The following MDC1 variants were observed in gnomAD, a reference collection of about 807,000 sequenced individuals.
MDC1 encodes the protein mediator of DNA damage checkpoint 1.
Under a neutral mutation model 142.5 loss-of-function variants are expected in MDC1, and 81 were observed. That is an observed-to-expected ratio of 0.57 (90% CI 0.47 to 0.68). The LOEUF is 0.68. Among genes scored for constraint, MDC1 ranks in the 30% least tolerant of loss-of-function variants. The pLI is 0.00. For missense variants in MDC1, 2,119 were observed against 2,547.9 expected (o/e 0.83, Z 3.62); for synonymous variants, 797 against 968.4 (o/e 0.82, Z 3.29).
Position 30,705,894 on chromosome 6 carries a change from C to T in MDC1, c.3289G>A (p.Glu1097Lys), listed in dbSNP as rs756847561. ...QEAPEAPLSS[E>K]LEPFHPKPKI... is the part of the protein sequence containing the mutation. ...GGCTTTGGGTGGAAAGGCTCCAGCTCTGAGGACAAGGGAGCCTCTGGAGCT... is the reference window on the plus strand; with the variant it reads ...GGCTTTGGGTGGAAAGGCTCCAGCTTTGAGGACAAGGGAGCCTCTGGAGCT... Residue 1097 changes from glutamate (E) to lysine (K), a missense_variant, in exon 10 of 15, where the codon GAG becomes AAG. Glu to Lys is a moderately conservative substitution (Grantham distance 56). Coordinates refer to ENST00000376406, the MANE Select transcript of MDC1 (RefSeq NM_014641.3). 5 of 1,612,650 alleles carry T rather than the reference C, an allele frequency of 3.1e-6. No homozygotes were observed. In the Admixed American group the frequency reaches 5.0e-5, roughly 16 times the overall value.
At chr6:30,706,501 A>T (rs1325453896) in intron 9 of MDC1, among the ~76,000 whole-genome samples, 1 of 151,672 alleles carries the variant, frequency 6.6e-6, no homozygotes, top group Non-Finnish European at 1.5e-5. Context: ...GGGCGCCTGT[A>T]GTCCCAGCTA....
At chr6:30,710,285 C>T (rs1440765252) in intron 7 of MDC1, among the ~76,000 whole-genome samples, 4 of 152,238 alleles carry the variant, frequency 2.6e-5, no homozygotes, top group Non-Finnish European at 5.9e-5. Context: ...GACAGGGTTT[C>T]ACCATGTTGG....
intron 9 of MDC1, among the ~76,000 whole-genome samples, chr6:30,706,578 T>C (rs7756147): frequency 0.13 from 16,574 of 128,462 alleles, 1,453 homozygotes; most frequent in African/African-American, 0.27. Flanking sequence ...GCCGAGATGG[T>C]GCCACTGCAC....
At chr6:30,702,689 G>A in intron 13 of MDC1, 26 bp from the exon 14 acceptor site, 1 of 1,612,112 alleles carries the variant, frequency 6.2e-7, no homozygotes, top group South Asian at 1.1e-5. Flanking sequence ...GATGGAGATG[G>A]TATTGTAGAT....
rs775063662 is a variant in MDC1 at position 30,707,695 on chromosome 6, C to T, written c.2884G>A (p.Ala962Thr). ...EGGSQDQKGQ[A>T]SSPTPEPGVG... ...CCAGGCTCTGGTGTTGGGCTGGAGG[C>T]CTGCCCTTTCTGGTCCTGGCTCCCT... Residue 962 changes from alanine (A) to threonine (T), a missense_variant, in exon 8 of 15, where the codon GCC (alanine) becomes ACC (threonine). Ala to Thr is a moderately conservative substitution (Grantham distance 58). Coordinates refer to ENST00000376406, the MANE Select transcript of MDC1 (RefSeq NM_014641.3). 6.2e-7 allele frequency: 1 copy of T among 1,613,094 alleles called. No individual in the cohort carries two copies. Among genetic ancestry groups the T allele is most frequent in the South Asian group, 1.1e-5 (1 of 91,082 alleles).
chr6:30,705,107 G>A lies in MDC1; in HGVS notation c.4076C>T (p.Ser1359Phe). 1 of 1,613,378 alleles carries A rather than the reference G, an allele frequency of 6.2e-7. No homozygotes were observed. The highest frequency in any genetic ancestry group is 8.5e-7 in the Non-Finnish European group (1 of 1,179,878). Reference sequence around the variant, plus strand: ...GACAGTTGATTCAGGGTTCTTCACAGAGGACATATTTGTCCTGCTCCTAGT... The same window carrying A: ...GACAGTTGATTCAGGGTTCTTCACAAAGGACATATTTGTCCTGCTCCTAGT... ...RTTRSRTNMS[S>F]VKNPESTVPI... Residue 1359 changes from serine to phenylalanine, a missense_variant, in exon 10 of 15, where the codon TCT becomes TTT. Coordinates refer to ENST00000376406, the MANE Select transcript of MDC1 (RefSeq NM_014641.3).
rs1287203735 is a variant in MDC1 at position 30,703,199 on chromosome 6, A to T, written c.5770T>A (p.Ser1924Thr). Residue 1924 changes from serine (S) to threonine (T), a missense_variant, in exon 12 of 15, where the codon TCC (serine) becomes ACC (threonine). Transcript: ENST00000376406. This position sits in a 1 kb window ranked among gnomAD's most constrained non-coding sequence, Gnocchi z 4.4. ...CGGATGCGATCAGTGACCAGGTGGG[A>T]AGCCTCTGCCGCTGAACCAGCCAGA... The part of the protein sequence containing the change: ...GSLAGSAAEA[S>T]HLVTDRIRRT... 1.2e-6 allele frequency: 2 copies of T among 1,613,024 alleles called. No individual in the cohort carries two copies. Among genetic ancestry groups the T allele is most frequent in the Non-Finnish European group, 1.7e-6 (2 of 1,180,008 alleles).
At chr6:30,707,306 A>G (rs2127689197) in intron 9 of MDC1, 78 bp downstream of exon 9, 1 of 1,409,176 alleles carries the variant, frequency 7.1e-7, no homozygotes, top group Non-Finnish European at 1.0e-6. Context: ...AATAGATTAA[A>G]GTGAGGCTAG....
At position 30,704,540 on chromosome 6, in the gene MDC1, G is replaced by T; in HGVS notation, c.4643C>A (p.Thr1548Asn). Residue 1548 changes from threonine (T) to asparagine (N), a missense_variant, in exon 10 of 15, where the codon ACC (threonine) becomes AAC (asparagine). Transcript: ENST00000376406. ...QPSTSTDQPV[T>N]PEPTSRATRG... is the part of the protein sequence containing the mutation. ...AGTGGCCCGAGATGTGGGCTCAGGGGTGACAGGTTGGTCTGTGGAGGTGGA... is the reference window on the plus strand; with the variant it reads ...AGTGGCCCGAGATGTGGGCTCAGGGTTGACAGGTTGGTCTGTGGAGGTGGA... 1 of 1,609,452 alleles carries T rather than the reference G, an allele frequency of 6.2e-7. No homozygotes were observed. The highest frequency in any genetic ancestry group is 8.5e-7 in the Non-Finnish European group (1 of 1,177,618).
In MDC1 at chr6:30,705,184, C is replaced by T. The variant is rs371569455; in HGVS notation, c.3999G>A (p.Gln1333=). The T allele has an allele frequency of 1.9e-6, 3 of 1,591,802 alleles. No homozygotes were observed. Among genetic ancestry groups the T allele is most frequent in the Non-Finnish European group, 2.6e-6 (3 of 1,170,556 alleles). Residue 1333 remains glutamine, a synonymous_variant, in exon 10 of 15, where the codon CAG becomes CAA. Transcript: ENST00000376406. ...ETVVPTAPEL[Q]ISTSTDQPVT... ...CAGGTTGGTCTGTGGAGGTGGAAAT[C>T]TGGAGCTCAGGGGCTGTGGGGACAA...
At position 30,703,584 on chromosome 6, in the gene MDC1, AT is replaced by A; in HGVS notation, c.5562+36del. 1 of 1,612,158 alleles carries A rather than the reference AT, an allele frequency of 6.2e-7. No individual in the cohort carries two copies. ...GTGGGAGTTTCAGAGCCCTGAAGTC[AT>A]TTTTCCCAGCTTTGTGGTCCCAACC... On this transcript the variant is annotated intron_variant, in intron 10 of 14. Coordinates refer to ENST00000376406, the MANE Select transcript of MDC1 (RefSeq NM_014641.3). The surrounding 1 kb of genome is among the most constrained non-coding windows in gnomAD (Gnocchi z 4.4).
At position 30,703,312 on chromosome 6, in the gene MDC1, T is replaced by C. The variant is rs201447492; in HGVS notation, c.5683-26A>G. On this transcript the variant is annotated intron_variant, in intron 11 of 14. Coordinates refer to ENST00000376406, the MANE Select transcript of MDC1 (RefSeq NM_014641.3). This position sits in a 1 kb window ranked among gnomAD's most constrained non-coding sequence, Gnocchi z 4.4. ...CTGTGGAAGGGTTGACCTGAGGTGG[T>C]TACGGCAACCCATGCCATCAGCACC... 324 of 1,608,740 alleles carry C rather than the reference T, an allele frequency of 2.0e-4. No homozygotes were observed. Among genetic ancestry groups the C allele is most frequent in the Non-Finnish European group, 2.5e-4 (290 of 1,176,594 alleles).
At chr6:30,714,230 T>C (rs148649911) in intron 2 of MDC1, 47 bp from the exon 3 acceptor site, 24,648 of 1,547,550 alleles carry the variant, frequency 0.016, 346 homozygotes, top group South Asian at 0.053. Context: ...AGTCCTGGCC[T>C]GTCATTAGGA....
rs1281168115 is a variant in MDC1, at chr6:30,703,428, G to A, written c.5672C>T (p.Thr1891Ile). ...GCCTTTGTCTCTTACTTTGGGGGCTGTTGATTCTTGGTTAAGTTTGGTCCG... is the reference window on the plus strand; with the variant it reads ...GCCTTTGTCTCTTACTTTGGGGGCTATTGATTCTTGGTTAAGTTTGGTCCG... ...LRRTKLNQES[T>I]APKVLFTGVV... The change falls in exon 11 of 15, where the codon ACA (threonine) becomes ATA (isoleucine). Residue 1891 changes from threonine to isoleucine, a missense_variant. Physicochemically the swap from Thr to Ile is moderately conservative, Grantham distance 89. Transcript: ENST00000376406. The surrounding 1 kb of genome is among the most constrained non-coding windows in gnomAD (Gnocchi z 4.4). The A allele has an allele frequency of 6.2e-7, 1 of 1,613,944 alleles. No homozygotes were observed. The highest frequency in any genetic ancestry group is 8.5e-7 in the Non-Finnish European group (1 of 1,180,038).
rs747964981 is a variant in MDC1, at chr6:30,708,672, G to T, written c.2222-315C>A. ...AGTTTGAGACTAGCCTGGACAACAT[G>T]GCAAAACCCCATCTCTACAAAAAAT... On this transcript the variant is annotated intron_variant, in intron 7 of 14. Transcript: ENST00000376406. 1.6e-3 allele frequency among the ~76,000 whole-genome samples: 244 copies of T among 151,876 alleles called. 2 individuals are homozygous for T. Among genetic ancestry groups the T allele is most frequent in the Non-Finnish European group, 1.9e-3 (130 of 67,946 alleles).
In MDC1 at chr6:30,714,105, G is replaced by C; in HGVS notation, c.215C>G (p.Ser72Cys). Residue 72 changes from serine (S) to cysteine (C), a missense_variant, in exon 3 of 15, where the codon TCC becomes TGC. Transcript: ENST00000376406. ...CSVALPFPSISKQHAEIEILA... is the reference protein window; with the variant it reads ...CSVALPFPSICKQHAEIEILA... ...GATTTCAATCTCTGCATGTTGTTTG[G>C]AGATAGATGGAAAGGGCAGGGCCAC... 6.2e-7 allele frequency: 1 copy of C among 1,612,690 alleles called. No individual in the cohort carries two copies. Among genetic ancestry groups the C allele is most frequent in the Non-Finnish European group, 8.5e-7 (1 of 1,180,032 alleles).
intron 14 of MDC1, 64 bp from the exon 15 acceptor site, chr6:30,700,696 C>T (rs1772476545): frequency 3.2e-6 from 5 of 1,545,572 alleles, no homozygotes; most frequent in South Asian, 1.1e-5. Context: ...GTTCAGGACC[C>T]ACTAACCAGT....
At position 30,708,145 on chromosome 6, in the gene MDC1, T is replaced by C. The variant is rs777988564; in HGVS notation, c.2434A>G (p.Lys812Glu). The C allele has an allele frequency of 5.6e-6, 9 of 1,613,130 alleles. No homozygotes were observed. The highest frequency in any genetic ancestry group is 1.6e-4 in the Middle Eastern group (1 of 6,062). Residue 812 changes from lysine to glutamate, a missense_variant, in exon 8 of 15, where the codon AAA becomes GAA. Lys to Glu is a moderately conservative substitution (Grantham distance 56). Coordinates refer to ENST00000376406, the MANE Select transcript of MDC1 (RefSeq NM_014641.3). ...IQGRGRQTVD[K>E]VMGIPKETAE... ...GTTTCTTTTGGTATACCCATGACTTTATCCACAGTCTGCCTCCCTCTGCCT... is the reference window on the plus strand; with the variant it reads ...GTTTCTTTTGGTATACCCATGACTTCATCCACAGTCTGCCTCCCTCTGCCT...
intron 7 of MDC1, among the ~76,000 whole-genome samples, chr6:30,710,882 T>C (rs750475341): frequency 2.0e-5 from 3 of 152,124 alleles, no homozygotes; most frequent in African/African-American, 2.4e-5. Flanking sequence ...TGGCCTCCCA[T>C]GTAACTGGGA....
Sources: gnomAD v4.1 joint callset for allele counts (sites outside exome capture counted in the v4.1 genomes callset) on GRCh38, gnomAD v4.1.1 for gene constraint, Gnocchi (gnomAD v3.1) non-coding constraint, MANE v1.5 for transcripts, NCBI Gene and HGNC (gene_info 2026-07-23, HGNC 2026-07-21) for gene names.